The following GUCY1A2 variants were observed in gnomAD, a reference collection of about 807,000 sequenced individuals.
GUCY1A2 encodes the protein guanylate cyclase 1 soluble subunit alpha 2.
A neutral mutation model predicts 63.5 loss-of-function variants in GUCY1A2; 27 were observed. That is an observed-to-expected ratio of 0.43 (90% confidence interval 0.31 to 0.59). GUCY1A2 has a LOEUF of 0.59. Ranked by LOEUF, GUCY1A2 falls within the 20% of genes least tolerant of loss-of-function variation. The probability of loss-of-function intolerance (pLI) is 0.11; values close to 1 mark genes in which losing one functional copy is unlikely to be tolerated. For missense variants in GUCY1A2, 768 were observed against 913.3 expected, an observed-to-expected ratio of 0.84 and a Z score of 2.05; for synonymous variants, 364 against 343.5, an observed-to-expected ratio of 1.06 and a Z score of -0.66.
At chr11:106,885,264 T>C (rs1449511014) in intron 4 of GUCY1A2, among the ~76,000 whole-genome samples, 1 of 152,170 alleles carries the variant, frequency 6.6e-6, no homozygotes, top group African/African-American at 2.4e-5. Context: ...CAGAAAACAA[T>C]TAACTTGTAG....
At chr11:106,943,889 T>C (rs913635809) in intron 3 of GUCY1A2, among the ~76,000 whole-genome samples, 4 of 151,768 alleles carry the variant, frequency 2.6e-5, no homozygotes, top group African/African-American at 9.7e-5. Flanking sequence ...AGAGAGACAA[T>C]GTTTGAAGGG....
intron 5 of GUCY1A2, among the ~76,000 whole-genome samples, chr11:106,807,945 AC>A (rs1281996791): frequency 6.6e-6 from 1 of 152,172 alleles, no homozygotes; most frequent in Non-Finnish European, 1.5e-5. Flanking sequence ...GCCTTCGGCC[AC>A]AGACTGAAGG....
intron 4 of GUCY1A2, among the ~76,000 whole-genome samples, chr11:106,882,777 C>G (rs1859843560): frequency 6.6e-6 from 1 of 151,832 alleles, no homozygotes; most frequent in Non-Finnish European, 1.5e-5. Context: ...AAAATTTGTC[C>G]CCAGTGGGAA....
intron 4 of GUCY1A2, among the ~76,000 whole-genome samples, chr11:106,897,058 C>T (rs1860060398): frequency 6.6e-6 from 1 of 152,044 alleles, no homozygotes; most frequent in South Asian, 2.1e-4. Flanking sequence ...TATAACAGCA[C>T]TGAACAAGTA....
At chr11:106,764,716 T>C (rs1275161674) in intron 6 of GUCY1A2, among the ~76,000 whole-genome samples, 4 of 152,088 alleles carry the variant, frequency 2.6e-5, no homozygotes, top group African/African-American at 4.8e-5. Context: ...GCTGAGCACG[T>C]AGTAAGCACT....
In GUCY1A2 at chr11:106,677,397, G is replaced by T; in HGVS notation, c.*10152C>A. ...CACCACACTTGATATTTGGACTCTTGCATGGTTTCTCATTAGCACAAAAAA... is the reference window on the plus strand; with the variant it reads ...CACCACACTTGATATTTGGACTCTTTCATGGTTTCTCATTAGCACAAAAAA... On this transcript the variant is annotated 3_prime_UTR_variant, in exon 8 of 8. Transcript: ENST00000526355. 4.8e-6 allele frequency: 1 copy of T among 209,546 alleles called. No individual in the cohort carries two copies. Among genetic ancestry groups the T allele is most frequent in the East Asian group, 7.1e-5 (1 of 14,010 alleles). 13.0% of individuals were successfully genotyped at this position (209,546 alleles called of 1,614,324 possible). A position where few individuals can be genotyped will look rare whatever the true frequency, so the allele number is the denominator to read the frequency against.
intron 4 of GUCY1A2, among the ~76,000 whole-genome samples, chr11:106,821,351 A>C (rs545820207): frequency 6.6e-6 from 1 of 152,262 alleles, no homozygotes; most frequent in Admixed American, 6.5e-5. Flanking sequence ...TTTTTCCCAC[A>C]GGGTGAAAAT....
At chr11:106,984,218 A>G (rs904570843) in intron 2 of GUCY1A2, among the ~76,000 whole-genome samples, 1 of 152,196 alleles carries the variant, frequency 6.6e-6, no homozygotes, top group African/African-American at 2.4e-5. Flanking sequence ...ATCAGCCAAC[A>G]CCCAAGCAAA....
intron 6 of GUCY1A2, among the ~76,000 whole-genome samples, chr11:106,773,700 A>G (rs1247536360): frequency 6.6e-6 from 1 of 152,188 alleles, no homozygotes; most frequent in Non-Finnish European, 1.5e-5. Context: ...AAGTTGTGTC[A>G]AACTAGTAGG....
chr11:106,769,406 A>G (rs967011544), intron 6 of GUCY1A2, among the ~76,000 whole-genome samples: 21 of 152,084 alleles, frequency 1.4e-4, no homozygotes, highest in African/African-American at 5.1e-4. Flanking sequence ...TTTACAACCA[A>G]CTGAGGGAAG....
chr11:106,685,454 G>C lies in GUCY1A2; in HGVS notation c.*2095C>G, dbSNP rs1862509744. ...ATCTTTATAAAAAGTGAGAGAAATA[G>C]ATTGGATATTCCTGGAAGTCCCTTT... is the stretch of plus-strand genomic sequence containing the variant. On this transcript the variant is annotated 3_prime_UTR_variant, in exon 8 of 8. Transcript: ENST00000526355. 1 of 221,500 alleles carries C rather than the reference G, an allele frequency of 4.5e-6. No individual in the cohort carries two copies. Among genetic ancestry groups the C allele is most frequent in the Admixed American group, 5.8e-5 (1 of 17,366 alleles). The allele number at this position is 221,500 out of a possible 1,614,324, so 13.7% of individuals were successfully genotyped here.
chr11:106,788,941 T>C (rs1337466220), intron 5 of GUCY1A2, among the ~76,000 whole-genome samples: 3 of 152,234 alleles, frequency 2.0e-5, no homozygotes, highest in Middle Eastern at 6.3e-3. Context: ...GTGAAGAATG[T>C]CATTGGTATT....
intron 4 of GUCY1A2, among the ~76,000 whole-genome samples, chr11:106,856,711 G>A (rs1441738097): frequency 6.6e-6 from 1 of 152,160 alleles, no homozygotes; most frequent in Non-Finnish European, 1.5e-5. Context: ...CCTGGGGTAA[G>A]TATTACAGCA....
chr11:107,017,690 G>T, intron 1 of GUCY1A2, 63 bp downstream of exon 1: 1 of 1,057,794 alleles, frequency 9.5e-7, no homozygotes, highest in Non-Finnish European at 1.3e-6. Flanking sequence ...CTCGCCCAGC[G>T]CCAACTTTAC....
intron 4 of GUCY1A2, among the ~76,000 whole-genome samples, chr11:106,936,191 G>A (rs1386730732): frequency 1.3e-5 from 2 of 152,136 alleles, no homozygotes; most frequent in African/African-American, 4.8e-5. Flanking sequence ...ATATCAGTAG[G>A]TTATGTTTAC....
chr11:106,737,042 CATT>C (rs1188277066), intron 6 of GUCY1A2, among the ~76,000 whole-genome samples: 1 of 152,186 alleles, frequency 6.6e-6, no homozygotes, highest in African/African-American at 2.4e-5. Context: ...ACTTTACTAA[CATT>C]GTTGGTACCC....
At chr11:106,798,364 A>C (rs1283654086) in intron 5 of GUCY1A2, among the ~76,000 whole-genome samples, 1 of 152,166 alleles carries the variant, frequency 6.6e-6, no homozygotes, top group Non-Finnish European at 1.5e-5. Flanking sequence ...ATTCCTTCTG[A>C]AACTATTCCA....
chr11:106,944,079 A>T lies in GUCY1A2; in HGVS notation c.488-3901T>A, dbSNP rs568114359. ...AAAAATTAGCAGGGCATGGTGGTAC[A>T]TGCCTGTAGTCCGTAGTCCCAGCTA... On this transcript the variant is annotated intron_variant, in intron 3 of 7. Coordinates refer to ENST00000526355, the MANE Select transcript of GUCY1A2 (RefSeq NM_000855.3). 4.6e-5 allele frequency among the ~76,000 whole-genome samples: 7 copies of T among 151,410 alleles called. 1 individual carries two copies. In the South Asian group the frequency reaches 1.5e-3, roughly 32 times the overall value.
chr11:106,704,488 T>G (rs1862872703), intron 7 of GUCY1A2, among the ~76,000 whole-genome samples: 1 of 152,196 alleles, frequency 6.6e-6, no homozygotes, highest in Admixed American at 6.5e-5. Context: ...TCTGCTCGAC[T>G]GTACATGCTC....
Sources: gnomAD v4.1 joint callset for allele counts (sites outside exome capture counted in the v4.1 genomes callset) on GRCh38, gnomAD v4.1.1 for gene constraint, MANE v1.5 for transcripts, NCBI Gene and HGNC (gene_info 2026-07-23, HGNC 2026-07-21) for gene names.